MYO3A: variants seen among roughly 807,000 people sequenced by gnomAD.
The protein encoded by MYO3A is myosin IIIA, also known as myosin-IIIa.
A neutral mutation model predicts 192.7 loss-of-function variants in MYO3A; 180 were observed. The ratio of observed to expected loss-of-function variants is 0.93; its 90% CI spans 0.83 to 1.06. MYO3A has a LOEUF of 1.06. Ranked by LOEUF, MYO3A falls within the 50% of genes least tolerant of loss-of-function variation. MYO3A has a pLI of 0.00. For synonymous variants in MYO3A, 628 were observed against 645.3 expected, an observed-to-expected ratio of 0.97 and a Z score of 0.41; for missense variants, 1,896 against 1,905.0, an observed-to-expected ratio of 1.00 and a Z score of 0.09.
chr10:26,144,148 A>G (rs1348664036), intron 21 of MYO3A, among the ~76,000 whole-genome samples: 1 of 152,138 alleles, frequency 6.6e-6, no homozygotes, highest in African/African-American at 2.4e-5. Context: ...AATGTATAAT[A>G]CATTTTAAAA....
intron 17 of MYO3A, among the ~76,000 whole-genome samples, chr10:26,112,614 GTC>G (rs1379348239): frequency 6.6e-6 from 1 of 152,026 alleles, no homozygotes; most frequent in Admixed American, 6.6e-5. Flanking sequence ...TTTTCTCACT[GTC>G]TCTCCTGCTC....
intron 15 of MYO3A, among the ~76,000 whole-genome samples, 195 bp downstream of exon 15, chr10:26,088,600 A>T (rs1264364677): frequency 6.6e-6 from 1 of 152,264 alleles, no homozygotes; most frequent in African/African-American, 2.4e-5. Flanking sequence ...AGAGGAATTA[A>T]TGTATAACCT....
At chr10:26,175,040 G>A (rs1842254101) in intron 30 of MYO3A, among the ~76,000 whole-genome samples, 1 of 152,200 alleles carries the variant, frequency 6.6e-6, no homozygotes, top group Non-Finnish European at 1.5e-5. Context: ...TCATGACAGT[G>A]AATGAACAGT....
At chr10:25,988,939 C>CTTTTTTTTTTTTTTTTTTT (rs56308717) in intron 4 of MYO3A, among the ~76,000 whole-genome samples, 10 of 117,018 alleles carry the variant, frequency 8.5e-5, no homozygotes, top group Non-Finnish European at 1.1e-4. Context: ...CCCTAAAACT[C>CTTTTTTTTTTTTTTTTTTT]TTTTTTTTTT....
intron 6 of MYO3A, among the ~76,000 whole-genome samples, chr10:26,002,719 A>ATGAGTCAGGGTGGACC (rs1554800228): frequency 6.6e-6 from 1 of 152,098 alleles, no homozygotes; most frequent in African/African-American, 2.4e-5. Flanking sequence ...GGTAATTGAA[A>ATGAGTCAGGGTGGACC]AAGGTTGCTT....
At chr10:25,958,869 T>C (rs972799184) in intron 4 of MYO3A, among the ~76,000 whole-genome samples, 3 of 152,060 alleles carry the variant, frequency 2.0e-5, no homozygotes, top group African/African-American at 7.2e-5. Flanking sequence ...GGGATTGTTT[T>C]TATCTGGCTT....
chr10:26,117,139 G>A (rs1226437247), intron 17 of MYO3A, among the ~76,000 whole-genome samples: 3 of 152,086 alleles, frequency 2.0e-5, no homozygotes, highest in Non-Finnish European at 4.4e-5. Context: ...GCAGGTTTGG[G>A]TAGGTAGGAT....
At chr10:26,178,363 C>A (rs935235618) in intron 31 of MYO3A, among the ~76,000 whole-genome samples, 7 of 152,014 alleles carry the variant, frequency 4.6e-5, no homozygotes, top group African/African-American at 9.7e-5. Context: ...ACCAGCCTGA[C>A]CAATATGGTG....
At position 26,174,033 on chromosome 10, in the gene MYO3A, T is replaced by A. The variant is rs1187307745; in HGVS notation, c.3769T>A (p.Tyr1257Asn). The A allele has an allele frequency of 6.2e-7, 1 of 1,613,124 alleles. No individual in the cohort carries two copies. The highest frequency in any genetic ancestry group is 8.5e-7 in the Non-Finnish European group (1 of 1,179,846). ...ERNCEESKAA[Y>N]LERKAISERP... is the part of the protein sequence containing the mutation. ...GAATTGTGAAGAGTCAAAAGCAGCA[T>A]ATCTAGAAAGGAAGGCCATATCAGA... Residue 1257 changes from tyrosine to asparagine, a missense_variant, in exon 30 of 35, where the codon TAT becomes AAT. Physicochemically the swap from Tyr to Asn is moderately radical, Grantham distance 143. Transcript: ENST00000642920.
chr10:26,118,470 C>T (rs1564566886), intron 17 of MYO3A, among the ~76,000 whole-genome samples: 1 of 152,194 alleles, frequency 6.6e-6, no homozygotes, highest in Non-Finnish European at 1.5e-5. Flanking sequence ...TGTTATCTCT[C>T]ACCTAGACCA....
intron 14 of MYO3A, among the ~76,000 whole-genome samples, chr10:26,076,108 C>G (rs554096492): frequency 6.6e-6 from 1 of 152,130 alleles, no homozygotes; most frequent in South Asian, 2.1e-4. Context: ...GTTTACATTC[C>G]CACCAGCAGT....
intron 10 of MYO3A, among the ~76,000 whole-genome samples, chr10:26,038,379 G>T (rs1843151094): frequency 6.6e-6 from 1 of 152,014 alleles, no homozygotes; most frequent in Non-Finnish European, 1.5e-5. Flanking sequence ...TCAATTTCTT[G>T]GATCAGTTAT....
intron 4 of MYO3A, among the ~76,000 whole-genome samples, chr10:25,980,772 G>C (rs1201641684): frequency 6.6e-6 from 1 of 152,120 alleles, no homozygotes; most frequent in African/African-American, 2.4e-5. Flanking sequence ...AAATTAAGCA[G>C]AAAGTAAAGA....
chr10:26,035,568 A>G (rs1842986666), intron 10 of MYO3A, among the ~76,000 whole-genome samples: 1 of 152,196 alleles, frequency 6.6e-6, no homozygotes, highest in African/African-American at 2.4e-5. Flanking sequence ...CTGCCAAGTA[A>G]TTATACAATC....
At chr10:26,100,485 A>G (rs1837367690) in intron 17 of MYO3A, among the ~76,000 whole-genome samples, 1 of 151,912 alleles carries the variant, frequency 6.6e-6, no homozygotes, top group South Asian at 2.1e-4. Flanking sequence ...TAGTTCTTTT[A>G]ATTGTGATGT....
intron 4 of MYO3A, among the ~76,000 whole-genome samples, chr10:25,982,622 T>A (rs1037202177): frequency 3.3e-5 from 5 of 152,154 alleles, no homozygotes; most frequent in Non-Finnish European, 1.5e-5. Context: ...TACAGAACTC[T>A]TTGCAGACGC....
chr10:26,150,542 G>A (rs1395684288), intron 23 of MYO3A, among the ~76,000 whole-genome samples: 1 of 152,110 alleles, frequency 6.6e-6, no homozygotes, highest in African/African-American at 2.4e-5. Flanking sequence ...TTTTGAGTGA[G>A]CTTTAGTAGA....
intron 17 of MYO3A, among the ~76,000 whole-genome samples, chr10:26,117,250 C>A (rs1246861290): frequency 6.6e-6 from 1 of 152,168 alleles, no homozygotes; most frequent in African/African-American, 2.4e-5. Context: ...ATTTTATATA[C>A]TTCCAAGTTC....
At chr10:26,011,267 A>T (rs1841640167) in intron 6 of MYO3A, among the ~76,000 whole-genome samples, 1 of 152,104 alleles carries the variant, frequency 6.6e-6, no homozygotes, top group Admixed American at 6.6e-5. Flanking sequence ...TGTCTCTACT[A>T]AAAATACAAA....
Sources: allele counts gnomAD v4.1 joint callset (sites outside exome capture counted in the v4.1 genomes callset), GRCh38; gene constraint gnomAD v4.1.1; transcripts MANE v1.5; gene names NCBI Gene and HGNC (gene_info 2026-07-23, HGNC 2026-07-21).